B4GALT4: variants seen among roughly 807,000 people sequenced by gnomAD.
B4GALT4 encodes N-acetyllactosamine synthase.
B4GALT4 carries 27 observed loss-of-function variants against 37.3 expected under a neutral mutation model. That is an observed-to-expected ratio of 0.72 (90% CI 0.53 to 1.00). The LOEUF (loss-of-function observed/expected upper bound fraction) is 1.00, where lower values mean the gene tolerates loss of function less well. Among genes scored for constraint, B4GALT4 ranks in the 50% least tolerant of loss-of-function variants. B4GALT4 has a pLI of 0.00. For missense variants in B4GALT4, 372 were observed against 413.1 expected (o/e 0.90, Z 0.86); for synonymous variants, 148 against 154.1 (o/e 0.96, Z 0.29).
In B4GALT4 at chr3:119,211,946, T is replaced by G. The variant is rs920278563; in HGVS notation, c.*603A>C. ...TCCTCCCCTGAAGGCTATCAGCAGC[T>G]GCAACCAGCTCAGCTACTGCTGCCT... On this transcript the variant is annotated 3_prime_UTR_variant, in exon 8 of 8. Coordinates refer to ENST00000393765, the MANE Select transcript of B4GALT4 (RefSeq NM_003778.4). 18 of 557,114 alleles carry G rather than the reference T, an allele frequency of 3.2e-5. No homozygotes were observed. In the Middle Eastern group the frequency reaches 8.0e-4, roughly 25 times the overall value. 34.5% of individuals were successfully genotyped at this position (557,114 alleles called of 1,614,324 possible).
chr3:119,223,997 C>T (rs1338357764), intron 5 of B4GALT4, 61 bp downstream of exon 5: 50 of 1,474,462 alleles, frequency 3.4e-5, no homozygotes, highest in Non-Finnish European at 4.5e-5. Flanking sequence ...TTGTTCCACC[C>T]AGTCTTGATC....
intron 6 of B4GALT4, among the ~76,000 whole-genome samples, chr3:119,217,012 A>G (rs1400777711): frequency 2.0e-5 from 3 of 152,250 alleles, no homozygotes; most frequent in Non-Finnish European, 4.4e-5. Flanking sequence ...CGAATAAATA[A>G]GCAGTAAATC....
intron 4 of B4GALT4, among the ~76,000 whole-genome samples, chr3:119,225,596 A>G (rs2078590800): frequency 6.7e-6 from 1 of 149,994 alleles, no homozygotes; most frequent in African/African-American, 2.5e-5. Flanking sequence ...TTAACAGAGT[A>G]TTTTGTATTT....
At chr3:119,239,218 CG>C (rs1364541241) in intron 1 of B4GALT4, among the ~76,000 whole-genome samples, 1 of 149,744 alleles carries the variant, frequency 6.7e-6, no homozygotes, top group Non-Finnish European at 1.5e-5. Flanking sequence ...CCCAGCTACT[CG>C]GGAGGCTGAG....
intron 7 of B4GALT4, chr3:119,215,658 A>G (rs1158624506): frequency 6.6e-6 from 1 of 152,258 alleles, no homozygotes; most frequent in Non-Finnish European, 1.5e-5. Flanking sequence ...CCAGGATGCA[A>G]TTGGAAAAAT....
Position 119,218,745 on chromosome 3 carries a change from ACCCCCAAAATAT to A in B4GALT4, c.690_701del (p.Tyr231_Gly234del). The A allele has an allele frequency of 6.2e-7, 1 of 1,613,982 alleles. No homozygotes were observed. Among genetic ancestry groups the A allele is most frequent in the Non-Finnish European group, 8.5e-7 (1 of 1,179,948 alleles). The stretch of plus-strand genomic sequence containing the variant: ...ACTGCTCTCTGCTTAGGGCAGTAAC[ACCCCCAAAATAT>A]CCACTGTAACGTAACCTGGAGCAAA... On this transcript the variant is annotated inframe_deletion, in exon 6 of 8. Coordinates refer to ENST00000393765, the MANE Select transcript of B4GALT4 (RefSeq NM_003778.4).
Position 119,226,072 on chromosome 3 carries a change from C to G in B4GALT4, c.486+737G>C, listed in dbSNP as rs924826878. On this transcript the variant is annotated intron_variant, in intron 4 of 7. Transcript: ENST00000393765. ...AAGAATTTGAGGGGGAATTATCCCT[C>G]TTCTTGGCCTCCTTGGATGGCCAAG... Among the ~76,000 whole-genome samples, 41 of 152,304 alleles carry G rather than the reference C, an allele frequency of 2.7e-4. 1 individual carries two copies. Among genetic ancestry groups the G allele is most frequent in the Middle Eastern group, 6.8e-3 (2 of 294 alleles).
At position 119,211,950 on chromosome 3, in the gene B4GALT4, A is replaced by T. The variant is rs1436125316; in HGVS notation, c.*599T>A. 1 of 559,758 alleles carries T rather than the reference A, an allele frequency of 1.8e-6. No individual in the cohort carries two copies. The highest frequency in any genetic ancestry group is 3.2e-6 in the Non-Finnish European group (1 of 315,200). 34.7% of individuals were successfully genotyped at this position (559,758 alleles called of 1,614,324 possible). On this transcript the variant is annotated 3_prime_UTR_variant, in exon 8 of 8. Transcript: ENST00000393765. ...CCCCTGAAGGCTATCAGCAGCTGCA[A>T]CCAGCTCAGCTACTGCTGCCTTTGC...
intron 4 of B4GALT4, among the ~76,000 whole-genome samples, chr3:119,225,220 T>C (rs890116509): frequency 6.6e-6 from 1 of 152,352 alleles, no homozygotes; most frequent in East Asian, 1.9e-4. Context: ...ACCTGTAATA[T>C]GATTGAAGCT....
chr3:119,224,670 A>T (rs1327352511), intron 4 of B4GALT4, among the ~76,000 whole-genome samples: 1 of 151,986 alleles, frequency 6.6e-6, no homozygotes, highest in Non-Finnish European at 1.5e-5. Flanking sequence ...CAAAAATTTT[A>T]AAAAGTTAAA....
At chr3:119,223,662 C>G (rs543970856) in intron 5 of B4GALT4, among the ~76,000 whole-genome samples, 1 of 151,518 alleles carries the variant, frequency 6.6e-6, no homozygotes, top group Non-Finnish European at 1.5e-5. Context: ...AAAGTGATGT[C>G]TCAACAGAGG....
At chr3:119,219,230 T>C (rs2078377096) in intron 5 of B4GALT4, among the ~76,000 whole-genome samples, 1 of 151,968 alleles carries the variant, frequency 6.6e-6, no homozygotes, top group Non-Finnish European at 1.5e-5. Context: ...CAGGGGAGGG[T>C]TGAAGGCAGG....
At chr3:119,228,712 C>T (rs551194242) in intron 3 of B4GALT4, among the ~76,000 whole-genome samples, 23 of 152,070 alleles carry the variant, frequency 1.5e-4, no homozygotes, top group Non-Finnish European at 2.9e-4. Context: ...TGTCTGTGTC[C>T]CCAAAAATTC....
At chr3:119,224,929 G>C (rs2078562070) in intron 4 of B4GALT4, among the ~76,000 whole-genome samples, 1 of 152,160 alleles carries the variant, frequency 6.6e-6, no homozygotes, top group Non-Finnish European at 1.5e-5. Context: ...ATGTCAATTA[G>C]TATTACTGCT....
At chr3:119,218,901 G>GAC in intron 5 of B4GALT4, 129 bp from the exon 6 acceptor site, 1 of 1,075,022 alleles carries the variant, frequency 9.3e-7, no homozygotes, top group Non-Finnish European at 1.3e-6. Context: ...TCTCCTGCTT[G>GAC]ACACCCACCT....
intron 3 of B4GALT4, among the ~76,000 whole-genome samples, chr3:119,227,703 C>A (rs2078668352): frequency 6.6e-6 from 1 of 152,200 alleles, no homozygotes; most frequent in Non-Finnish European, 1.5e-5. Context: ...AAGCCATCCA[C>A]AGGAGGAAAA....
chr3:119,218,986 A>C (rs1411367016), intron 5 of B4GALT4, among the ~76,000 whole-genome samples: 1 of 152,056 alleles, frequency 6.6e-6, no homozygotes, highest in African/African-American at 2.4e-5. Context: ...CTCACTGAGC[A>C]AAGTGCCACC....
At chr3:119,215,550 T>C (rs1195070703) in intron 7 of B4GALT4, 2 of 152,224 alleles carry the variant, frequency 1.3e-5, no homozygotes, top group Non-Finnish European at 2.9e-5. Context: ...CCTTCATATA[T>C]ACATCTATCC....
Position 119,237,066 on chromosome 3 carries a change from T to A in B4GALT4, c.-359A>T, listed in dbSNP as rs2079004967. ...GTGGAAATCCACACATGAAGCCAGG[T>A]GGTCCTGCAACACCCAAACAACCAA... On this transcript the variant is annotated 5_prime_UTR_variant, in exon 2 of 8. Transcript: ENST00000393765. The A allele has an allele frequency of 6.6e-6, 1 of 152,254 alleles. No homozygotes were observed. Among genetic ancestry groups the A allele is most frequent in the Admixed American group, 6.5e-5 (1 of 15,292 alleles). 9.4% of individuals were successfully genotyped at this position (152,254 alleles called of 1,614,324 possible). A position where few individuals can be genotyped will look rare whatever the true frequency, so the allele number is the denominator to read the frequency against.
Sources: gnomAD v4.1 joint callset for allele counts (sites outside exome capture counted in the v4.1 genomes callset) on GRCh38, gnomAD v4.1.1 for gene constraint, MANE v1.5 for transcripts, NCBI Gene and HGNC (gene_info 2026-07-23, HGNC 2026-07-21) for gene names.